Variants in CYP7B1 observed in about 807,000 individuals in gnomAD.
The protein encoded by CYP7B1 is cytochrome P450 family 7 subfamily B member 1.
Under a neutral mutation model 42.7 loss-of-function variants are expected in CYP7B1, and 29 were observed. The observed-to-expected ratio is 0.68, with a 90% confidence interval of 0.51 to 0.93. The LOEUF (loss-of-function observed/expected upper bound fraction) is 0.93, where lower values mean the gene tolerates loss of function less well. CYP7B1 is among the 40% of genes least tolerant of loss of function. CYP7B1 has a pLI of 0.00. For missense variants in CYP7B1, 655 were observed against 600.5 expected, an observed-to-expected ratio of 1.09 and a Z score of -0.95; for synonymous variants, 235 against 218.2, an observed-to-expected ratio of 1.08 and a Z score of -0.68.
intron 1 of CYP7B1, among the ~76,000 whole-genome samples, chr8:64,664,525 T>C (rs1806247109): frequency 6.6e-6 from 1 of 152,146 alleles, no homozygotes; most frequent in Admixed American, 6.5e-5. Context: ...CACTTGTCTC[T>C]CATTACTCAG....
rs926994542 is a variant in CYP7B1, at chr8:64,782,748, C to G, written c.122+15718G>C. Among the ~76,000 whole-genome samples, 5 of 152,272 alleles carry G rather than the reference C, an allele frequency of 3.3e-5. No individual in the cohort carries two copies. The East Asian group carries it at 9.7e-4, about 29-fold the overall frequency. On this transcript the variant is annotated intron_variant, in intron 1 of 5. Coordinates refer to ENST00000310193, the MANE Select transcript of CYP7B1 (RefSeq NM_004820.5). ...ATGTGATTACAGAATTGAGCAATCTCCAATGTTGATCCAATTAGCACTCCT... is the reference window on the plus strand; with the variant it reads ...ATGTGATTACAGAATTGAGCAATCTGCAATGTTGATCCAATTAGCACTCCT...
At chr8:64,621,620 G>A (rs574559965) in intron 2 of CYP7B1, among the ~76,000 whole-genome samples, 1 of 152,306 alleles carries the variant, frequency 6.6e-6, no homozygotes, top group African/African-American at 2.4e-5. Context: ...AGCTGGAAAG[G>A]CTGGTGGAGA....
chr8:64,627,591 T>A (rs1445838514), intron 1 of CYP7B1, among the ~76,000 whole-genome samples: 1 of 152,228 alleles, frequency 6.6e-6, no homozygotes, highest in East Asian at 1.9e-4. Context: ...GGTCAAAAGC[T>A]GTATTCTTCA....
chr8:64,696,394 G>A (rs955598422), intron 1 of CYP7B1, among the ~76,000 whole-genome samples: 2 of 152,046 alleles, frequency 1.3e-5, no homozygotes, highest in African/African-American at 4.8e-5. Flanking sequence ...TGGTTAAAGG[G>A]GATAATATAT....
chr8:64,774,761 A>G (rs1327638021), intron 1 of CYP7B1, among the ~76,000 whole-genome samples: 1 of 152,178 alleles, frequency 6.6e-6, no homozygotes, highest in Non-Finnish European at 1.5e-5. Context: ...TTTACTGAAT[A>G]GTGCATATCT....
chr8:64,595,347 T>C lies in CYP7B1; in HGVS notation c.*1295A>G, dbSNP rs943041368. Reference sequence around the variant, plus strand: ...ATGTTATTTTTAAAGTCAGTTTCCTTTTCTCAAAACAGTAGCAGATTTCTG... The same window carrying C: ...ATGTTATTTTTAAAGTCAGTTTCCTCTTCTCAAAACAGTAGCAGATTTCTG... On this transcript the variant is annotated 3_prime_UTR_variant, in exon 6 of 6. Transcript: ENST00000310193. 6.6e-6 allele frequency among the ~76,000 whole-genome samples: 1 copy of C among 152,266 alleles called. No individual in the cohort carries two copies. The highest frequency in any genetic ancestry group is 1.5e-5 in the Non-Finnish European group (1 of 68,048).
rs1223992799 is a variant in CYP7B1 at position 64,591,682 on chromosome 8, G to C, written c.*4960C>G. ...TATAAAATGGAGATGAAGTAAGGAA[G>C]TATGCCAGGAAAGCCAAAACAAGGC... On this transcript the variant is annotated 3_prime_UTR_variant, in exon 6 of 6. Coordinates refer to ENST00000310193, the MANE Select transcript of CYP7B1 (RefSeq NM_004820.5). Among the ~76,000 whole-genome samples the C allele has an allele frequency of 1.3e-5, 2 of 152,190 alleles. No homozygotes were observed. The highest frequency in any genetic ancestry group is 2.9e-5 in the Non-Finnish European group (2 of 68,034).
At chr8:64,640,427 G>A (rs1805835556) in intron 1 of CYP7B1, among the ~76,000 whole-genome samples, 1 of 152,086 alleles carries the variant, frequency 6.6e-6, no homozygotes, top group East Asian at 1.9e-4. Context: ...AAGAAAGCAA[G>A]GGCCTATCTA....
intron 1 of CYP7B1, among the ~76,000 whole-genome samples, chr8:64,639,750 C>T (rs1355169062): frequency 6.6e-6 from 1 of 152,022 alleles, no homozygotes; most frequent in African/African-American, 2.4e-5. Flanking sequence ...AACAATTCCA[C>T]TTCTAATTAT....
intron 1 of CYP7B1, among the ~76,000 whole-genome samples, chr8:64,659,686 CA>C (rs990294236): frequency 2.0e-5 from 3 of 152,100 alleles, no homozygotes; most frequent in Admixed American, 2.0e-4. Flanking sequence ...ATACTCAAAG[CA>C]AAGTTCTTAG....
chr8:64,643,026 A>G (rs1353533283), intron 1 of CYP7B1, among the ~76,000 whole-genome samples: 3 of 150,918 alleles, frequency 2.0e-5, no homozygotes, highest in Non-Finnish European at 4.4e-5. Flanking sequence ...ATGGCCATAC[A>G]GTTTTGTATT....
intron 1 of CYP7B1, chr8:64,728,835 G>A (rs916401563): frequency 7.2e-5 from 11 of 152,140 alleles, no homozygotes; most frequent in Non-Finnish European, 1.2e-4. Context: ...AGTGAAAAAA[G>A]ACTGTTAAGA....
chr8:64,759,672 T>C (rs1379709951), intron 1 of CYP7B1, among the ~76,000 whole-genome samples: 2 of 152,188 alleles, frequency 1.3e-5, no homozygotes, highest in Non-Finnish European at 2.9e-5. Context: ...ATTGAGATCA[T>C]GGAATACAAA....
intron 1 of CYP7B1, among the ~76,000 whole-genome samples, chr8:64,637,627 C>T (rs1805792505): frequency 6.6e-6 from 1 of 152,150 alleles, no homozygotes; most frequent in Non-Finnish European, 1.5e-5. Context: ...TGCAAATTGT[C>T]AAATTCTATT....
intron 1 of CYP7B1, among the ~76,000 whole-genome samples, chr8:64,773,794 G>A (rs963342660): frequency 6.6e-6 from 1 of 152,174 alleles, no homozygotes; most frequent in Non-Finnish European, 1.5e-5. Context: ...GGCATCACAT[G>A]GCAAGAAGGC....
chr8:64,709,762 AAAAAG>A (rs1291642351), intron 1 of CYP7B1, among the ~76,000 whole-genome samples: 2 of 152,194 alleles, frequency 1.3e-5, no homozygotes, highest in African/African-American at 2.4e-5. Context: ...GAGGAAAAAG[AAAAAG>A]AAAACATCAA....
At chr8:64,602,888 G>A (rs1805223312) in intron 5 of CYP7B1, among the ~76,000 whole-genome samples, 1 of 152,148 alleles carries the variant, frequency 6.6e-6, no homozygotes, top group Non-Finnish European at 1.5e-5. Flanking sequence ...TTTATACAAT[G>A]AATGATAAAA....
At chr8:64,617,005 T>C (rs1805458396) in intron 2 of CYP7B1, among the ~76,000 whole-genome samples, 1 of 152,180 alleles carries the variant, frequency 6.6e-6, no homozygotes, top group Non-Finnish European at 1.5e-5. Flanking sequence ...CCCTTTCTTT[T>C]TGAGATACAA....
chr8:64,615,702 A>G lies in CYP7B1; in HGVS notation c.839T>C (p.Leu280Pro), dbSNP rs1563363893. The G allele has an allele frequency of 1.2e-6, 2 of 1,613,524 alleles. No homozygotes were observed. The highest frequency in any genetic ancestry group is 2.2e-5 in the East Asian group (1 of 44,856). The change falls in exon 3 of 6, where the codon CTT (leucine) becomes CCT (proline). Residue 280 changes from leucine (L) to proline (P), a missense_variant. Transcript: ENST00000310193. ...TCAGAAGTTCTTACCTCCTATTTCA[A>G]GGTCCTCGTGCACATAATATTTCTC... Reference protein sequence around the residue: ...VLEKYYVHEDLEIGAHHLGFL... With the variant: ...VLEKYYVHEDPEIGAHHLGFL...
Sources: allele counts gnomAD v4.1 joint callset (sites outside exome capture counted in the v4.1 genomes callset), GRCh38; gene constraint gnomAD v4.1.1; transcripts MANE v1.5; gene names NCBI Gene and HGNC (gene_info 2026-07-23, HGNC 2026-07-21).